Variants in MBOAT4 observed in about 807,000 individuals in gnomAD.
MBOAT4 encodes the protein membrane bound ghrelin O-acyltransferase MBOAT4.
In MBOAT4, 11 loss-of-function variants were observed where a neutral mutation model predicts 13.2. That is an observed-to-expected ratio of 0.84 (90% CI 0.53 to 1.38). The LOEUF is 1.38. MBOAT4 is among the 40% of genes most tolerant of loss of function. MBOAT4 has a pLI of 0.00. For synonymous variants in MBOAT4, 202 were observed against 210.3 expected, an observed-to-expected ratio of 0.96 and a Z score of 0.34; for missense variants, 481 against 527.2, an observed-to-expected ratio of 0.91 and a Z score of 0.86.
At chr8:30,133,190 T>G (rs1287342947) in intron 2 of MBOAT4, among the ~76,000 whole-genome samples, 1 of 152,202 alleles carries the variant, frequency 6.6e-6, no homozygotes, top group Non-Finnish European at 1.5e-5. Flanking sequence ...GTGCTGGGAT[T>G]ACAGGCATGA....
chr8:30,138,455 C>A (rs1315745546), intron 2 of MBOAT4, 77 bp downstream of exon 2: 56 of 1,204,076 alleles, frequency 4.7e-5, no homozygotes, highest in Non-Finnish European at 5.8e-6. Flanking sequence ...AACCCAACAC[C>A]CAGGTTCTCT....
Position 30,138,604 on chromosome 8 carries a change from A to G in MBOAT4, c.272T>C (p.Met91Thr). 1 of 1,551,706 alleles carries G rather than the reference A, an allele frequency of 6.4e-7. No homozygotes were observed. The highest frequency in any genetic ancestry group is 2.4e-5 in the East Asian group (1 of 40,920). ...TAGGTGACACAAGGTCTGCCAGCTC[A>G]TCTGAAAGCAGAAGGTCCACCTGTG... is the stretch of plus-strand genomic sequence containing the variant. ...QVHRWTFCFQ[M>T]SWQTLCHLGL... is the part of the protein sequence containing the mutation. Residue 91 changes from methionine to threonine, a missense_variant, in exon 2 of 3, where the codon ATG becomes ACG. Physicochemically the swap from Met to Thr is moderately conservative, Grantham distance 81. Transcript: ENST00000320542.
intron 1 of MBOAT4, 84 bp downstream of exon 1, chr8:30,144,399 T>G (rs12546113): frequency 0.94 from 932,758 of 997,286 alleles, 438,597 homozygotes; most frequent in Middle Eastern, 0.96. Flanking sequence ...GCCTCCCAAA[T>G]TGCAGGGATT....
At chr8:30,140,333 C>T (rs988349829) in intron 1 of MBOAT4, among the ~76,000 whole-genome samples, 1 of 152,168 alleles carries the variant, frequency 6.6e-6, no homozygotes, top group African/African-American at 2.4e-5. Flanking sequence ...GGTGATCCGC[C>T]CACCTCAGCC....
In MBOAT4 at chr8:30,131,829, A is replaced by C; in HGVS notation, c.*114T>G. On this transcript the variant is annotated 3_prime_UTR_variant, in exon 3 of 3. Coordinates refer to ENST00000320542, the MANE Select transcript of MBOAT4 (RefSeq NM_001100916.2). ...CAAGTCACTGGGTATATCCATCCAA[A>C]ACTTTAGAAAAAATTTTATTATGGA... 7.5e-7 allele frequency: 1 copy of C among 1,341,778 alleles called. No individual in the cohort carries two copies. The highest frequency in any genetic ancestry group is 1.5e-5 in the African/African-American group (1 of 67,628). 83.1% of individuals were successfully genotyped at this position (1,341,778 alleles called of 1,614,324 possible).
At chr8:30,139,055 C>G (rs11778927) in intron 1 of MBOAT4, among the ~76,000 whole-genome samples, 2 of 151,046 alleles carry the variant, frequency 1.3e-5, no homozygotes, top group African/African-American at 2.4e-5. Context: ...TCACCACAGC[C>G]CTGACCTCCT....
chr8:30,133,058 C>A (rs1410158495), intron 2 of MBOAT4, among the ~76,000 whole-genome samples, 152 bp from the exon 3 acceptor site: 1 of 152,138 alleles, frequency 6.6e-6, no homozygotes, highest in Non-Finnish European at 1.5e-5. Flanking sequence ...CAAAATAAAT[C>A]TTAAAATAAA....
intron 2 of MBOAT4, among the ~76,000 whole-genome samples, chr8:30,133,728 G>T (rs1376999140): frequency 1.4e-5 from 2 of 147,762 alleles, no homozygotes; most frequent in East Asian, 2.0e-4. Context: ...GTTCAAGGCT[G>T]CAGTGAGCTA....
rs147712548 is a variant in MBOAT4, at chr8:30,132,316, C to G, written c.935G>C (p.Arg312Pro). 6.4e-7 allele frequency: 1 copy of G among 1,551,644 alleles called. No individual in the cohort carries two copies. The highest frequency in any genetic ancestry group is 2.0e-5 in the Admixed American group (1 of 50,986). The change falls in exon 3 of 3, where the codon CGA becomes CCA. Residue 312 changes from arginine (R) to proline (P), a missense_variant. Transcript: ENST00000320542. ...CTGGAATACAAGCCGTCGGAGCCAT[C>G]GAGCTGTGCTTTGGTTCCACTTTCT... ...FSRKWNQSTARWLRRLVFQHS... is the reference protein window; with the variant it reads ...FSRKWNQSTAPWLRRLVFQHS...
intron 1 of MBOAT4, among the ~76,000 whole-genome samples, chr8:30,140,100 C>T (rs558819401): frequency 4.6e-5 from 7 of 152,188 alleles, no homozygotes; most frequent in Non-Finnish European, 7.4e-5. Flanking sequence ...TGCAGAGGTG[C>T]GATGTTGCTC....
intron 2 of MBOAT4, among the ~76,000 whole-genome samples, chr8:30,135,472 C>A (rs1013870278): frequency 6.6e-6 from 1 of 152,132 alleles, no homozygotes; most frequent in African/African-American, 2.4e-5. Context: ...TAGGACTTTG[C>A]CTAATGTGGG....
At chr8:30,138,158 C>T (rs1000533422) in intron 2 of MBOAT4, 1 of 172,622 alleles carries the variant, frequency 5.8e-6, no homozygotes, top group African/African-American at 2.4e-5. Context: ...TCCCCAAATG[C>T]TCAGGGAAAC....
At chr8:30,139,308 C>T (rs7838088) in intron 1 of MBOAT4, among the ~76,000 whole-genome samples, 124,273 of 151,812 alleles carry the variant, frequency 0.82, 52,349 homozygotes, top group Middle Eastern at 0.94. Flanking sequence ...TTGATGCCCT[C>T]CATTCAAGCG....
chr8:30,141,352 T>A (rs1803257049), intron 1 of MBOAT4, among the ~76,000 whole-genome samples: 1 of 152,150 alleles, frequency 6.6e-6, no homozygotes, highest in Non-Finnish European at 1.5e-5. Context: ...AAGTGTGGAA[T>A]AGCAGGGCGT....
chr8:30,134,794 C>T (rs534064404), intron 2 of MBOAT4, among the ~76,000 whole-genome samples: 12 of 152,294 alleles, frequency 7.9e-5, no homozygotes, highest in Admixed American at 5.2e-4. Flanking sequence ...GAGATCTGCC[C>T]GCCTCGGCCT....
intron 1 of MBOAT4, among the ~76,000 whole-genome samples, chr8:30,141,405 C>G (rs1475924021): frequency 5.9e-5 from 9 of 152,116 alleles, no homozygotes; most frequent in Non-Finnish European, 1.2e-4. Context: ...GAGGCTGAGG[C>G]AGGCAGATCA....
chr8:30,137,540 C>A, intron 2 of MBOAT4: 1 of 1,386,618 alleles, frequency 7.2e-7, no homozygotes, highest in South Asian at 1.3e-5. Context: ...ACCATGTAGG[C>A]AACACGTGGC....
intron 2 of MBOAT4, 42 bp from the exon 3 acceptor site, chr8:30,132,948 T>C (rs1411408354): frequency 6.8e-7 from 1 of 1,468,686 alleles, no homozygotes; most frequent in Non-Finnish European, 9.0e-7. Flanking sequence ...CACTCTGTAT[T>C]TATTCTCTCT....
At chr8:30,140,604 T>C (rs556296344) in intron 1 of MBOAT4, among the ~76,000 whole-genome samples, 24 of 152,242 alleles carry the variant, frequency 1.6e-4, no homozygotes, top group Admixed American at 1.5e-3. Flanking sequence ...CAAAATGGGG[T>C]CAGAATCTAA....
Sources: gnomAD v4.1 joint callset for allele counts (sites outside exome capture counted in the v4.1 genomes callset) on GRCh38, gnomAD v4.1.1 for gene constraint, MANE v1.5 for transcripts, NCBI Gene and HGNC (gene_info 2026-07-23, HGNC 2026-07-21) for gene names.